Variants in OPCML observed in about 807,000 individuals in gnomAD.
The protein encoded by OPCML is opioid-binding protein/cell adhesion molecule.
Under a neutral mutation model 37.8 loss-of-function variants are expected in OPCML, and 13 were observed. That is an observed-to-expected ratio of 0.34 (90% confidence interval 0.22 to 0.55). The LOEUF (loss-of-function observed/expected upper bound fraction) is 0.55. Among genes scored for constraint, OPCML ranks in the 20% least tolerant of loss-of-function variants. The pLI is 0.91. For synonymous variants in OPCML, 176 were observed against 168.8 expected, an observed-to-expected ratio of 1.04 and a Z score of -0.33; for missense variants, 341 against 435.6, an observed-to-expected ratio of 0.78 and a Z score of 1.93.
chr11:133,039,245 A>G lies in OPCML; in HGVS notation c.62-96235T>C, dbSNP rs115413883. 7.1e-3 allele frequency among the ~76,000 whole-genome samples: 1,076 copies of G among 152,284 alleles called. 14 individuals carry two copies. Among genetic ancestry groups the G allele is most frequent in the African/African-American group, 0.025 (1,021 of 41,560 alleles). ...CCTGAAAAGGTAAGGCAACATCTGTATGCTGCAGCAGGAGCCAACCTCCTG... is the reference window on the plus strand; with the variant it reads ...CCTGAAAAGGTAAGGCAACATCTGTGTGCTGCAGCAGGAGCCAACCTCCTG... On this transcript the variant is annotated intron_variant, in intron 1 of 7. Transcript: ENST00000524381.
intron 1 of OPCML, among the ~76,000 whole-genome samples, chr11:132,957,645 A>G (rs1946000025): frequency 6.6e-6 from 1 of 152,112 alleles, no homozygotes; most frequent in Non-Finnish European, 1.5e-5. Flanking sequence ...AAGCAAGTCT[A>G]TCGGCACCAT....
Position 132,420,284 on chromosome 11 carries a change from G to A in OPCML, c.926C>T (p.Ala309Val). The A allele has an allele frequency of 6.2e-7, 1 of 1,613,752 alleles. No individual in the cohort carries two copies. The highest frequency in any genetic ancestry group is 8.5e-7 in the Non-Finnish European group (1 of 1,179,776). ...GGCCGAGTTTACACCATCAATGACTGCTCCAGGCCCTGTGTAGGGGAGAGA... is the reference window on the plus strand; with the variant it reads ...GGCCGAGTTTACACCATCAATGACTACTCCAGGCCCTGTGTAGGGGAGAGA... Reference protein sequence around the residue: ...NASITLYGPGAVIDGVNSASR... With the variant: ...NASITLYGPGVVIDGVNSASR... The change falls in exon 8 of 8, where the codon GCA becomes GTA. Residue 309 changes from alanine (A) to valine (V), a missense_variant. Transcript: ENST00000524381.
At chr11:133,331,900 G>C (rs1387875851) in intron 1 of OPCML, among the ~76,000 whole-genome samples, 2 of 152,048 alleles carry the variant, frequency 1.3e-5, no homozygotes, top group South Asian at 2.1e-4. Flanking sequence ...GCTTAGGATT[G>C]CCTTGGCTAT....
At chr11:132,634,023 G>A (rs1439508732) in intron 3 of OPCML, among the ~76,000 whole-genome samples, 1 of 152,104 alleles carries the variant, frequency 6.6e-6, no homozygotes, top group Admixed American at 6.5e-5. Context: ...AGCAGTTGCA[G>A]GCAAGCATAC....
At chr11:133,474,703 C>G (rs1207602242) in intron 1 of OPCML, among the ~76,000 whole-genome samples, 1 of 152,144 alleles carries the variant, frequency 6.6e-6, no homozygotes, top group Non-Finnish European at 1.5e-5. Flanking sequence ...GAACCCAGCT[C>G]ACTCTGGTTG....
chr11:133,405,531 A>T (rs1208970940), intron 1 of OPCML, among the ~76,000 whole-genome samples: 1 of 152,166 alleles, frequency 6.6e-6, no homozygotes, highest in Admixed American at 6.5e-5. Flanking sequence ...CAGAAAAAGG[A>T]TACCCTCGGA....
At chr11:132,420,919 A>T (rs770406666) in intron 7 of OPCML, among the ~76,000 whole-genome samples, 3 of 152,142 alleles carry the variant, frequency 2.0e-5, no homozygotes, top group Non-Finnish European at 2.9e-5. Context: ...AAGCAGATCA[A>T]CATGCCCAAA....
intron 2 of OPCML, among the ~76,000 whole-genome samples, chr11:132,679,485 C>T (rs1190900669): frequency 6.6e-6 from 1 of 152,162 alleles, no homozygotes; most frequent in Non-Finnish European, 1.5e-5. Flanking sequence ...AATAAGACAA[C>T]AACAAAAGAT....
intron 1 of OPCML, among the ~76,000 whole-genome samples, chr11:133,129,281 G>C (rs1340005236): frequency 6.6e-6 from 1 of 152,102 alleles, no homozygotes; most frequent in East Asian, 1.9e-4. Context: ...GCACGTAAGG[G>C]AACTACCCAA....
chr11:132,665,649 G>C (rs540068592), intron 2 of OPCML, among the ~76,000 whole-genome samples: 1 of 152,194 alleles, frequency 6.6e-6, no homozygotes, highest in East Asian at 1.9e-4. Flanking sequence ...AAAAAGTAAG[G>C]GTGAGCAGAA....
At chr11:133,050,008 A>T (rs1049988445) in intron 1 of OPCML, among the ~76,000 whole-genome samples, 14 of 152,194 alleles carry the variant, frequency 9.2e-5, no homozygotes, top group African/African-American at 3.4e-4. Flanking sequence ...ACTTTAAATT[A>T]ATCCAAAGGG....
At chr11:132,769,255 T>TTTA (rs1946561083) in intron 2 of OPCML, among the ~76,000 whole-genome samples, 1 of 151,464 alleles carries the variant, frequency 6.6e-6, no homozygotes, top group African/African-American at 2.4e-5. Context: ...TTTTTTTTTT[T>TTTA]GAGACGGAGT....
intron 3 of OPCML, among the ~76,000 whole-genome samples, chr11:132,636,938 C>A (rs1352766772): frequency 3.9e-5 from 6 of 152,126 alleles, no homozygotes; most frequent in African/African-American, 1.4e-4. Context: ...GGTTCTAATA[C>A]GTTAGTAGAA....
At chr11:132,841,154 C>T (rs1334453905) in intron 2 of OPCML, among the ~76,000 whole-genome samples, 2 of 152,208 alleles carry the variant, frequency 1.3e-5, no homozygotes, top group African/African-American at 4.8e-5. Flanking sequence ...CAGCCATTAA[C>T]AAATGCTGCA....
chr11:133,443,857 C>A (rs2136944663), intron 1 of OPCML, among the ~76,000 whole-genome samples: 1 of 152,084 alleles, frequency 6.6e-6, no homozygotes, highest in East Asian at 1.9e-4. Context: ...TCCTGTAATC[C>A]CAGAACATTG....
intron 2 of OPCML, among the ~76,000 whole-genome samples, chr11:132,758,877 C>T (rs1383898742): frequency 1.3e-5 from 2 of 152,124 alleles, no homozygotes; most frequent in Non-Finnish European, 2.9e-5. Flanking sequence ...TTGTCTTGTG[C>T]CAGTTTTCAA....
chr11:132,996,625 A>C (rs1946893323), intron 1 of OPCML, among the ~76,000 whole-genome samples: 1 of 151,760 alleles, frequency 6.6e-6, no homozygotes, highest in Non-Finnish European at 1.5e-5. Flanking sequence ...TCTCAAAAAA[A>C]AAAAAAAAAA....
At chr11:133,319,273 C>T (rs1943275093) in intron 1 of OPCML, among the ~76,000 whole-genome samples, 1 of 152,188 alleles carries the variant, frequency 6.6e-6, no homozygotes, top group South Asian at 2.1e-4. Context: ...GTTGTGCACC[C>T]AGGTGAGATG....
At chr11:132,779,489 T>A (rs1404437545) in intron 2 of OPCML, among the ~76,000 whole-genome samples, 4 of 151,598 alleles carry the variant, frequency 2.6e-5, no homozygotes, top group African/African-American at 9.7e-5. Flanking sequence ...TTTGTAGGAA[T>A]GTTGTGGGAA....
Sources: gnomAD v4.1 joint callset for allele counts (sites outside exome capture counted in the v4.1 genomes callset) on GRCh38, gnomAD v4.1.1 for gene constraint, MANE v1.5 for transcripts, NCBI Gene and HGNC (gene_info 2026-07-23, HGNC 2026-07-21) for gene names.